Variants in SLC35B3 observed in about 807,000 individuals in gnomAD.
SLC35B3 encodes the protein solute carrier family 35 member B3, also known as adenosine 3'-phospho 5'-phosphosulfate transporter 2.
In SLC35B3, 35 loss-of-function variants were observed where a neutral mutation model predicts 44.1. The ratio of observed to expected loss-of-function variants is 0.79; its 90% CI spans 0.61 to 1.05. SLC35B3 has a LOEUF of 1.05. SLC35B3 is among the 50% of genes least tolerant of loss of function. The pLI is 0.00. For missense variants in SLC35B3, 414 were observed against 476.4 expected (o/e 0.87, Z 1.22); for synonymous variants, 146 against 167.3 (o/e 0.87, Z 0.98).
chr6:8,429,188 C>A (rs1231349037), intron 3 of SLC35B3, among the ~76,000 whole-genome samples: 1 of 152,120 alleles, frequency 6.6e-6, no homozygotes, highest in Non-Finnish European at 1.5e-5. Context: ...ATTCCAACAT[C>A]CTGTTTTCAC....
At position 8,435,322 on chromosome 6, in the gene SLC35B3, A is replaced by G. The variant is rs1418371915; in HGVS notation, c.-44+21T>C. The G allele has an allele frequency of 3.9e-6, 5 of 1,289,276 alleles. No homozygotes were observed. Among genetic ancestry groups the G allele is most frequent in the Non-Finnish European group, 5.1e-6 (5 of 988,850 alleles). 79.9% of individuals were successfully genotyped at this position (1,289,276 alleles called of 1,614,324 possible). A position where few individuals can be genotyped will look rare whatever the true frequency, so the allele number is the denominator to read the frequency against. ...GAGATCTGGGTCCCAAACACAGGAA[A>G]GGCCCCGAAGGCACGCGTACCCCAA... On this transcript the variant is annotated intron_variant, in intron 1 of 10. Transcript: ENST00000644923. This position sits in a 1 kb window ranked among gnomAD's most constrained non-coding sequence, Gnocchi z 5.5.
chr6:8,435,208 C>T lies in SLC35B3; in HGVS notation c.-44+135G>A. On this transcript the variant is annotated intron_variant, in intron 1 of 10. Coordinates refer to ENST00000644923, the MANE Select transcript of SLC35B3 (RefSeq NM_001370476.2). The surrounding 1 kb of genome is among the most constrained non-coding windows in gnomAD (Gnocchi z 5.5). The stretch of plus-strand genomic sequence containing the variant: ...TCCGCTCTTTCAAAAAAGGGAATCA[C>T]CCGTTTCTTCCATCCCGACCTCATC... 7.8e-7 allele frequency: 1 copy of T among 1,289,140 alleles called. No individual in the cohort carries two copies. Among genetic ancestry groups the T allele is most frequent in the South Asian group, 1.2e-5 (1 of 81,014 alleles). The allele number at this position is 1,289,140 out of a possible 1,614,324, so 79.9% of individuals were successfully genotyped here.
chr6:8,425,828 C>T lies in SLC35B3; in HGVS notation c.419+2109G>A, dbSNP rs371407447. Among the ~76,000 whole-genome samples the T allele has an allele frequency of 5.8e-4, 88 of 152,292 alleles. 1 individual carries two copies. In the South Asian group the frequency reaches 0.016, roughly 27 times the overall value. On this transcript the variant is annotated intron_variant, in intron 4 of 10. Transcript: ENST00000644923. ...ACATTAGGGTACGACAGAAGGAGCA[C>T]GCTTCTTACATTAACCAAGAACATT... is the stretch of plus-strand genomic sequence containing the variant.
In SLC35B3 at chr6:8,420,252, G is replaced by A. The variant is rs971056269; in HGVS notation, c.682+469C>T. ...ATTTCCAAGGTGTTTTTGTTTAAAAGTGCCCTGCAGAGTACAGAATCCTTT... is the reference window on the plus strand; with the variant it reads ...ATTTCCAAGGTGTTTTTGTTTAAAAATGCCCTGCAGAGTACAGAATCCTTT... On this transcript the variant is annotated intron_variant, in intron 6 of 10. Coordinates refer to ENST00000644923, the MANE Select transcript of SLC35B3 (RefSeq NM_001370476.2). This position sits in a 1 kb window ranked among gnomAD's most constrained non-coding sequence, Gnocchi z 4.4. 2.0e-5 allele frequency among the ~76,000 whole-genome samples: 3 copies of A among 152,064 alleles called. No individual in the cohort carries two copies. The highest frequency in any genetic ancestry group is 4.8e-5 in the African/African-American group (2 of 41,404).
Position 8,416,930 on chromosome 6 carries a change from A to T in SLC35B3, c.939T>A (p.Phe313Leu). 1.2e-6 allele frequency: 2 copies of T among 1,608,396 alleles called. No individual in the cohort carries two copies. The highest frequency in any genetic ancestry group is 1.7e-6 in the Non-Finnish European group (2 of 1,177,348). Residue 313 changes from phenylalanine to leucine, a missense_variant, in exon 9 of 11, where the codon TTT becomes TTA. Phe to Leu is a conservative substitution (Grantham distance 22). Coordinates refer to ENST00000644923, the MANE Select transcript of SLC35B3 (RefSeq NM_001370476.2). Reference sequence around the variant, plus strand: ...CAAAAATTTTAATCAAAGCCAGAACAAAGGAGATTCCAAAATATCCAGTGA... The same window carrying T: ...CAAAAATTTTAATCAAAGCCAGAACTAAGGAGATTCCAAAATATCCAGTGA...
Position 8,429,867 on chromosome 6 carries a change from TAA to T in SLC35B3, c.292_293del (p.Leu98ThrfsTer11). The T allele has an allele frequency of 6.4e-7, 1 of 1,563,956 alleles. No individual in the cohort carries two copies. Among genetic ancestry groups the T allele is most frequent in the East Asian group, 2.3e-5 (1 of 43,128 alleles). On this transcript the variant is annotated frameshift_variant, in exon 3 of 11. Coordinates refer to ENST00000644923, the MANE Select transcript of SLC35B3 (RefSeq NM_001370476.2). LOFTEE classifies it high-confidence loss of function. ...TACAAACATATAACTTTTTTACCTG[TAA>T]ATACCCATAAATTAGGTAAAATACA...
At position 8,434,491 on chromosome 6, in the gene SLC35B3, A is replaced by G; in HGVS notation, c.-43-61T>C. 2 of 1,413,684 alleles carry G rather than the reference A, an allele frequency of 1.4e-6. No homozygotes were observed. Among genetic ancestry groups the G allele is most frequent in the Non-Finnish European group, 9.8e-7 (1 of 1,021,914 alleles). 87.6% of individuals were successfully genotyped at this position (1,413,684 alleles called of 1,614,324 possible). On this transcript the variant is annotated intron_variant, in intron 1 of 10. Coordinates refer to ENST00000644923, the MANE Select transcript of SLC35B3 (RefSeq NM_001370476.2). The surrounding 1 kb of genome is among the most constrained non-coding windows in gnomAD (Gnocchi z 6.3). ...TTCCATCTCATTTCTTTGTACACAC[A>G]TCATTACACAAAGGTGGAGAAACCC...
chr6:8,413,781 CATA>C (rs1762172380), intron 10 of SLC35B3, 82 bp from the exon 10 acceptor site: 2 of 815,112 alleles, frequency 2.5e-6, no homozygotes, highest in East Asian at 2.8e-5. Context: ...TTAATATGTC[CATA>C]ATAATTCTTC....
chr6:8,424,560 G>A (rs761828978), intron 4 of SLC35B3, among the ~76,000 whole-genome samples: 23 of 152,192 alleles, frequency 1.5e-4, no homozygotes, highest in South Asian at 6.2e-4. Flanking sequence ...GCACCTGGCC[G>A]GGGAGAAAAT....
intron 4 of SLC35B3, among the ~76,000 whole-genome samples, 173 bp from the exon 4 acceptor site, chr6:8,422,797 A>T (rs1318206832): frequency 6.6e-6 from 1 of 152,244 alleles, no homozygotes; most frequent in African/African-American, 2.4e-5. Flanking sequence ...TTGTATAAAA[A>T]AGTTTATAAA....
intron 5 of SLC35B3, among the ~76,000 whole-genome samples, chr6:8,421,559 G>A (rs1051877118): frequency 2.0e-5 from 3 of 152,210 alleles, no homozygotes; most frequent in Non-Finnish European, 4.4e-5. Context: ...CAGTGATACA[G>A]AAACACCCGA....
Position 8,413,558 on chromosome 6 carries a change from C to T in SLC35B3, c.1197G>A (p.Gln399=), listed in dbSNP as rs2113214950. ...ATAGGACAATCACTGTCTATACAGT[C>T]TGTGCCAGCGTCCTTGACTTTCTTG... is the stretch of plus-strand genomic sequence containing the variant. Residue 399 remains glutamine, a synonymous_variant, in exon 11 of 11, where the codon CAG becomes CAA. Coordinates refer to ENST00000644923, the MANE Select transcript of SLC35B3 (RefSeq NM_001370476.2). 2 of 1,608,704 alleles carry T rather than the reference C, an allele frequency of 1.2e-6. No individual in the cohort carries two copies. Among genetic ancestry groups the T allele is most frequent in the African/African-American group, 2.7e-5 (2 of 74,820 alleles).
chr6:8,430,064 T>C lies in SLC35B3; in HGVS notation c.97A>G (p.Met33Val), dbSNP rs1388933023. The change falls in exon 3 of 11, where the codon ATG (methionine) becomes GTG (valine). Residue 33 changes from methionine (M) to valine (V), a missense_variant. By Grantham distance (21) the Met-to-Val change is conservative. Coordinates refer to ENST00000644923, the MANE Select transcript of SLC35B3 (RefSeq NM_001370476.2). ...CTGGAATTGTTGAACTTGAGATCCA[T>C]TGTTATTTTGCTGCATTCAATGCTT... The C allele has an allele frequency of 3.3e-5, 53 of 1,613,882 alleles. No individual in the cohort carries two copies. The highest frequency in any genetic ancestry group is 3.3e-4 in the Middle Eastern group (2 of 6,082).
Position 8,432,091 on chromosome 6 carries a change from C to T in SLC35B3, c.4-1934G>A, listed in dbSNP as rs1764046268. Among the ~76,000 whole-genome samples the T allele has an allele frequency of 6.6e-6, 1 of 152,136 alleles. No individual in the cohort carries two copies. The highest frequency in any genetic ancestry group is 2.1e-4 in the South Asian group (1 of 4,832). On this transcript the variant is annotated intron_variant, in intron 2 of 10. Coordinates refer to ENST00000644923, the MANE Select transcript of SLC35B3 (RefSeq NM_001370476.2). This position sits in a 1 kb window ranked among gnomAD's most constrained non-coding sequence, Gnocchi z 4.8. Reference sequence around the variant, plus strand: ...AGAACTTGAAAGGCAAGATTCAAATCTTATTTGTCTCTGTGTCCTTGGTAC... The same window carrying T: ...AGAACTTGAAAGGCAAGATTCAAATTTTATTTGTCTCTGTGTCCTTGGTAC...
chr6:8,424,344 C>G (rs1368113992), intron 4 of SLC35B3, among the ~76,000 whole-genome samples: 1 of 152,176 alleles, frequency 6.6e-6, no homozygotes. Flanking sequence ...CCTCCGCCTC[C>G]CAGGTTCAAA....
chr6:8,414,339 G>A (rs759938086), intron 10 of SLC35B3, among the ~76,000 whole-genome samples: 107 of 152,162 alleles, frequency 7.0e-4, no homozygotes, highest in Middle Eastern at 3.4e-3. Context: ...AAGTTTAAAT[G>A]GTGCTAATGT....
rs1356267970 is a variant in SLC35B3, at chr6:8,435,499, G to A, written c.-200C>T. ...TTTCCACCGCGGCGGTCGCCTCCCC[G>A]GAAAGCACTCTCAACTCCGGCGCCC... On this transcript the variant is annotated 5_prime_UTR_variant, in exon 1 of 11. Transcript: ENST00000644923. This position sits in a 1 kb window ranked among gnomAD's most constrained non-coding sequence, Gnocchi z 5.5. The A allele has an allele frequency of 4.8e-6, 4 of 825,420 alleles. No individual in the cohort carries two copies. Among genetic ancestry groups the A allele is most frequent in the African/African-American group, 1.8e-5 (1 of 56,014 alleles). The allele number at this position is 825,420 out of a possible 1,614,324, so 51.1% of individuals were successfully genotyped here.
chr6:8,434,411 G>A lies in SLC35B3; in HGVS notation c.-24C>T, dbSNP rs1561769373. On this transcript the variant is annotated 5_prime_UTR_variant, in exon 2 of 11. Transcript: ENST00000644923. The surrounding 1 kb of genome is among the most constrained non-coding windows in gnomAD (Gnocchi z 6.3). ...ATGCCATTATGCCTTGATTAACTGC[G>A]CTCCGGAATCAATCATGGCCTATGG... The A allele has an allele frequency of 1.2e-6, 2 of 1,611,996 alleles. No individual in the cohort carries two copies. The highest frequency in any genetic ancestry group is 1.3e-5 in the African/African-American group (1 of 74,752).
chr6:8,428,532 G>A (rs1763657821), intron 3 of SLC35B3, among the ~76,000 whole-genome samples: 1 of 152,098 alleles, frequency 6.6e-6, no homozygotes, highest in South Asian at 2.1e-4. Context: ...ATAAGTAATA[G>A]TAGCAATGTC....
Sources: gnomAD v4.1 joint callset for allele counts (sites outside exome capture counted in the v4.1 genomes callset) on GRCh38, gnomAD v4.1.1 for gene constraint, Gnocchi (gnomAD v3.1) non-coding constraint, MANE v1.5 for transcripts, NCBI Gene and HGNC (gene_info 2026-07-23, HGNC 2026-07-21) for gene names.